The following SCFD1 variants were observed in gnomAD, a reference collection of about 807,000 sequenced individuals.
SCFD1 encodes sec1 family domain containing 1.
SCFD1 carries 37 observed loss-of-function variants against 103.2 expected under a neutral mutation model. That is an observed-to-expected ratio of 0.36 (90% CI 0.28 to 0.47). SCFD1 has a LOEUF of 0.47. SCFD1 is among the 20% of genes least tolerant of loss of function. SCFD1 has a pLI of 1.00. For missense variants in SCFD1, 639 were observed against 761.2 expected, an observed-to-expected ratio of 0.84 and a Z score of 1.89; for synonymous variants, 264 against 245.0, an observed-to-expected ratio of 1.08 and a Z score of -0.73.
At chr14:30,667,886 C>T (rs7493549) in intron 10 of SCFD1, among the ~76,000 whole-genome samples, 41,787 of 151,944 alleles carry the variant, frequency 0.28, 6,246 homozygotes, top group East Asian at 0.62. Context: ...CAAACCACTG[C>T]TCAACGAAAT....
intron 15 of SCFD1, among the ~76,000 whole-genome samples, chr14:30,697,132 A>G (rs1340418999): frequency 2.6e-5 from 4 of 152,164 alleles, no homozygotes; most frequent in Admixed American, 6.5e-5. Context: ...GGGAGCAGCA[A>G]TGCCCAACTA....
chr14:30,712,104 C>CCCTCT (rs1231265064), intron 19 of SCFD1, among the ~76,000 whole-genome samples: 1 of 150,204 alleles, frequency 6.7e-6, no homozygotes, highest in Non-Finnish European at 1.5e-5. Flanking sequence ...CCATCTTATT[C>CCCTCT]CCTCTCCTCG....
In SCFD1 at chr14:30,670,324, A is replaced by G. The variant is rs755669463; in HGVS notation, c.924A>G (p.Arg308=). The G allele has an allele frequency of 6.0e-5, 96 of 1,597,778 alleles. No homozygotes were observed. The highest frequency in any genetic ancestry group is 1.7e-6 in the Non-Finnish European group (2 of 1,173,892). Reference sequence around the variant, plus strand: ...TGGAAAACTCTCCAGCTGGTGCTAGACCAAAGAGAAAAAACAAGAAGTCTT... The same window carrying G: ...TGGAAAACTCTCCAGCTGGTGCTAGGCCAAAGAGAAAAAACAAGAAGTCTT... ...SGVENSPAGA[R]PKRKNKKSYD... The change falls in exon 11 of 25, where the codon AGA becomes AGG. Residue 308 remains arginine (R), a synonymous_variant. Coordinates refer to ENST00000458591, the MANE Select transcript of SCFD1 (RefSeq NM_016106.4).
At chr14:30,634,091 T>G in intron 4 of SCFD1, 54 bp downstream of exon 4, 1 of 1,060,974 alleles carries the variant, frequency 9.4e-7, no homozygotes, top group Non-Finnish European at 1.4e-6. Flanking sequence ...GATTTTTTTT[T>G]CAAGAAAAAT....
intron 5 of SCFD1, among the ~76,000 whole-genome samples, chr14:30,638,813 T>G (rs1378921474): frequency 6.6e-6 from 1 of 152,196 alleles, no homozygotes; most frequent in Non-Finnish European, 1.5e-5. Context: ...TATTTCAGGT[T>G]ATAATCCTGT....
At chr14:30,724,027 G>A (rs1304584322) in intron 23 of SCFD1, among the ~76,000 whole-genome samples, 1 of 142,256 alleles carries the variant, frequency 7.0e-6, no homozygotes, top group Non-Finnish European at 1.5e-5. Flanking sequence ...TCCAAAAAGG[G>A]ATGTGTATAA....
chr14:30,684,803 C>CTTTTTTTTTTTTT (rs780577178), intron 14 of SCFD1, among the ~76,000 whole-genome samples: 4 of 54,884 alleles, frequency 7.3e-5, no homozygotes, highest in Non-Finnish European at 1.3e-4. Flanking sequence ...GCAATTGTTT[C>CTTTTTTTTTTTTT]TTTTTTTTTT....
At chr14:30,691,470 T>G (rs752378610) in intron 14 of SCFD1, among the ~76,000 whole-genome samples, 1 of 152,324 alleles carries the variant, frequency 6.6e-6, no homozygotes, top group South Asian at 2.1e-4. Context: ...TTACACATGA[T>G]AGGTGCCTTG....
intron 14 of SCFD1, among the ~76,000 whole-genome samples, chr14:30,678,002 G>A (rs905733222): frequency 2.0e-5 from 3 of 151,630 alleles, no homozygotes; most frequent in African/African-American, 7.3e-5. Flanking sequence ...ACCATGCCCA[G>A]CTAATTTATG....
At chr14:30,647,938 A>T (rs934742858) in intron 7 of SCFD1, among the ~76,000 whole-genome samples, 1 of 152,238 alleles carries the variant, frequency 6.6e-6, no homozygotes, top group African/African-American at 2.4e-5. Flanking sequence ...GGCATGAGCC[A>T]CCATGCCCGG....
At chr14:30,637,285 T>C (rs1046866544) in intron 4 of SCFD1, among the ~76,000 whole-genome samples, 6 of 152,118 alleles carry the variant, frequency 3.9e-5, no homozygotes, top group African/African-American at 1.4e-4. Flanking sequence ...CGTTTCCCTT[T>C]TCTCTTTACA....
intron 5 of SCFD1, 90 bp downstream of exon 5, chr14:30,638,337 C>T (rs1442326142): frequency 7.1e-6 from 11 of 1,551,994 alleles, no homozygotes. Context: ...ATCTATTTGA[C>T]AGATGACCAG....
At chr14:30,634,684 C>T (rs891013190) in intron 4 of SCFD1, 2 of 390,250 alleles carry the variant, frequency 5.1e-6, no homozygotes, top group Admixed American at 3.4e-5. Flanking sequence ...AGGAAGTCCA[C>T]ACTGGTGCAG....
intron 10 of SCFD1, chr14:30,658,190 G>C (rs17097055): frequency 3.3e-4 from 144 of 437,002 alleles, no homozygotes; most frequent in African/African-American, 2.3e-3. Context: ...TCAAATCTTA[G>C]GTTCTCTTTT....
chr14:30,622,779 A>G (rs564015586), intron 1 of SCFD1, among the ~76,000 whole-genome samples: 1 of 152,170 alleles, frequency 6.6e-6, no homozygotes, highest in Admixed American at 6.5e-5. Context: ...GAGAACTCCC[A>G]TTTTCTGACA....
intron 23 of SCFD1, among the ~76,000 whole-genome samples, chr14:30,732,902 CA>C (rs1330480369): frequency 6.6e-6 from 1 of 152,038 alleles, no homozygotes; most frequent in Non-Finnish European, 1.5e-5. Flanking sequence ...CTTAAAACCA[CA>C]AGGTATTCTC....
chr14:30,689,808 G>C (rs1375169102), intron 14 of SCFD1, among the ~76,000 whole-genome samples: 3 of 140,206 alleles, frequency 2.1e-5, no homozygotes, highest in Non-Finnish European at 4.6e-5. Context: ...CCTTCTCTCA[G>C]CTCGTCAAAA....
chr14:30,624,477 GT>G (rs1000951316), intron 1 of SCFD1, among the ~76,000 whole-genome samples: 30 of 152,124 alleles, frequency 2.0e-4, no homozygotes, highest in African/African-American at 6.8e-4. Context: ...AAACCTTGAA[GT>G]TTTCTTGACT....
intron 13 of SCFD1, among the ~76,000 whole-genome samples, 162 bp downstream of exon 13, chr14:30,674,159 G>T (rs938282749): frequency 1.3e-5 from 2 of 152,030 alleles, no homozygotes; most frequent in Non-Finnish European, 2.9e-5. Context: ...AAATGTTTAA[G>T]CCGATTTTAG....
Sources: gnomAD v4.1 joint callset for allele counts (sites outside exome capture counted in the v4.1 genomes callset) on GRCh38, gnomAD v4.1.1 for gene constraint, MANE v1.5 for transcripts, NCBI Gene and HGNC (gene_info 2026-07-23, HGNC 2026-07-21) for gene names.